Variants in NCKAP1 observed in about 807,000 individuals in gnomAD.
NCKAP1 encodes the protein nck-associated protein 1.
NCKAP1 carries 21 observed loss-of-function variants against 151.2 expected under a neutral mutation model. The ratio of observed to expected loss-of-function variants is 0.14; its 90% CI spans 0.10 to 0.20. NCKAP1 has a LOEUF of 0.20. Ranked by LOEUF, NCKAP1 falls within the 10% of genes least tolerant of loss-of-function variation. The pLI is 1.00. For synonymous variants in NCKAP1, 484 were observed against 451.8 expected, an observed-to-expected ratio of 1.07 and a Z score of -0.90; for missense variants, 933 against 1,352.1, an observed-to-expected ratio of 0.69 and a Z score of 4.86.
At chr2:182,977,063 A>C in intron 14 of NCKAP1, 112 bp from the exon 15 acceptor site, 1 of 598,510 alleles carries the variant, frequency 1.7e-6, no homozygotes, top group Non-Finnish European at 2.7e-6. Context: ...AGTATACCTA[A>C]AACAATTAAA....
At chr2:182,980,776 T>TTAA (rs1559091787) in intron 13 of NCKAP1, among the ~76,000 whole-genome samples, 8 of 152,298 alleles carry the variant, frequency 5.3e-5, no homozygotes, top group Middle Eastern at 3.4e-3. Context: ...CTATCATCTC[T>TTAA]TCTGAATCTC....
rs1027485233 is a variant in NCKAP1, at chr2:182,924,496, T to C, written c.*1206A>G. 3 of 152,124 alleles carry C rather than the reference T, an allele frequency of 2.0e-5. No individual in the cohort carries two copies. Among genetic ancestry groups the C allele is most frequent in the South Asian group, 2.1e-4 (1 of 4,822 alleles). 9.4% of individuals were successfully genotyped at this position (152,124 alleles called of 1,614,324 possible). A position where few individuals can be genotyped will look rare whatever the true frequency, so the allele number is the denominator to read the frequency against. On this transcript the variant is annotated 3_prime_UTR_variant, in exon 31 of 31. Transcript: ENST00000361354. ...GCCCTCCATGCCAACTATTAAGCAATAGGCCCTTTTATGTCTTTCCCATTC... is the reference window on the plus strand; with the variant it reads ...GCCCTCCATGCCAACTATTAAGCAACAGGCCCTTTTATGTCTTTCCCATTC...
At chr2:182,974,592 T>C (rs964790988) in intron 15 of NCKAP1, among the ~76,000 whole-genome samples, 2 of 152,030 alleles carry the variant, frequency 1.3e-5, no homozygotes, top group African/African-American at 4.8e-5. Context: ...GTAATGCAAC[T>C]ACAAGCAAGG....
intron 1 of NCKAP1, among the ~76,000 whole-genome samples, chr2:183,029,608 G>C (rs972885572): frequency 3.3e-5 from 5 of 151,906 alleles, no homozygotes; most frequent in Admixed American, 1.3e-4. Flanking sequence ...AATTGCTGGA[G>C]CCCACAAGTT....
rs867990950 is a variant in NCKAP1, at chr2:182,972,241, A to C, written c.1482+4652T>G. Among the ~76,000 whole-genome samples, 480 of 151,252 alleles carry C rather than the reference A, an allele frequency of 3.2e-3. 2 individuals carry two copies. The highest frequency in any genetic ancestry group is 0.011 in the African/African-American group (435 of 41,372). On this transcript the variant is annotated intron_variant, in intron 15 of 30. Coordinates refer to ENST00000361354, the MANE Select transcript of NCKAP1 (RefSeq NM_013436.5). ...CTTAATAGCAAAAAAAAAAAAAAAA[A>C]AAAACAAAACTGATTTTAAAAATGG...
intron 14 of NCKAP1, among the ~76,000 whole-genome samples, chr2:182,977,902 G>A (rs560867023): frequency 1.1e-4 from 16 of 152,300 alleles, no homozygotes; most frequent in African/African-American, 3.8e-4. Context: ...AAATTAAAGA[G>A]TGAAGACAGT....
Position 182,943,751 on chromosome 2 carries a change from AG to A in NCKAP1, c.2602-1589del, listed in dbSNP as rs376234166. On this transcript the variant is annotated intron_variant, in intron 23 of 30. Transcript: ENST00000361354. ...TAACCATTTGTTAAGCTCTTATACAAGGTAACTTATAATCATATTTACTATA... is the reference window on the plus strand; with the variant it reads ...TAACCATTTGTTAAGCTCTTATACAAGTAACTTATAATCATATTTACTATA... Among the ~76,000 whole-genome samples, 33 of 152,346 alleles carry A rather than the reference AG, an allele frequency of 2.2e-4. No individual in the cohort carries two copies. In the East Asian group the frequency reaches 5.8e-3, roughly 27 times the overall value.
intron 10 of NCKAP1, among the ~76,000 whole-genome samples, chr2:182,984,871 A>G (rs150261337): frequency 1.2e-3 from 177 of 152,318 alleles, no homozygotes; most frequent in African/African-American, 4.1e-3. Context: ...AGAAGTTACC[A>G]CTGCTTACTA....
At chr2:183,000,108 A>G (rs1698349194) in intron 6 of NCKAP1, among the ~76,000 whole-genome samples, 1 of 152,204 alleles carries the variant, frequency 6.6e-6, no homozygotes, top group Non-Finnish European at 1.5e-5. Context: ...CAATATACTC[A>G]TTTAACAAAC....
At chr2:182,969,675 A>G (rs773881626) in intron 15 of NCKAP1, among the ~76,000 whole-genome samples, 28 of 152,158 alleles carry the variant, frequency 1.8e-4, no homozygotes, top group Non-Finnish European at 2.1e-4. Flanking sequence ...TTATAGCAAT[A>G]AACACCTATA....
chr2:182,925,613 T>C lies in NCKAP1; in HGVS notation c.*89A>G, dbSNP rs1339810692. 3 of 621,728 alleles carry C rather than the reference T, an allele frequency of 4.8e-6. No homozygotes were observed. The allele number at this position is 621,728 out of a possible 1,614,324, so 38.5% of individuals were successfully genotyped here. A position where few individuals can be genotyped will look rare whatever the true frequency, so the allele number is the denominator to read the frequency against. On this transcript the variant is annotated 3_prime_UTR_variant, in exon 31 of 31. Coordinates refer to ENST00000361354, the MANE Select transcript of NCKAP1 (RefSeq NM_013436.5). Reference sequence around the variant, plus strand: ...AAGAAATTTATAATCCACAAAACTTTTTCAGGTCTTAAGGTAAAATAGTTC... The same window carrying C: ...AAGAAATTTATAATCCACAAAACTTCTTCAGGTCTTAAGGTAAAATAGTTC...
chr2:182,967,554 GA>G (rs2105839233), intron 15 of NCKAP1, among the ~76,000 whole-genome samples, 193 bp from the exon 16 acceptor site: 1 of 152,204 alleles, frequency 6.6e-6, no homozygotes, highest in African/African-American at 2.4e-5. Context: ...TTAGTAAACT[GA>G]AATACTAATG....
intron 18 of NCKAP1, 60 bp from the exon 19 acceptor site, chr2:182,957,656 T>C (rs1697353228): frequency 7.8e-6 from 12 of 1,531,796 alleles, no homozygotes; most frequent in South Asian, 7.3e-5. Flanking sequence ...GCATACTAAC[T>C]ATTCAAGCAA....
In NCKAP1 at chr2:182,913,230, T is replaced by C. The variant is rs1379625967; in HGVS notation, c.*12472A>G. 6.6e-6 allele frequency: 1 copy of C among 152,250 alleles called. No homozygotes were observed. The highest frequency in any genetic ancestry group is 2.4e-5 in the African/African-American group (1 of 41,468). The allele number at this position is 152,250 out of a possible 1,614,324, so 9.4% of individuals were successfully genotyped here. On this transcript the variant is annotated 3_prime_UTR_variant, in exon 31 of 31. Coordinates refer to ENST00000361354, the MANE Select transcript of NCKAP1 (RefSeq NM_013436.5). ...AGGACACTATGTCCTGTGTATTTAT[T>C]GATTCAACAAATATTTATTGAGGAC... is the stretch of plus-strand genomic sequence containing the variant.
intron 21 of NCKAP1, 46 bp from the exon 22 acceptor site, chr2:182,952,969 A>T (rs1317519818): frequency 6.4e-7 from 1 of 1,570,384 alleles, no homozygotes; most frequent in Non-Finnish European, 8.6e-7. Flanking sequence ...TGCTTAATTC[A>T]GAATGTATCA....
chr2:182,988,935 A>C, intron 9 of NCKAP1, 95 bp downstream of exon 9: 1 of 1,090,842 alleles, frequency 9.2e-7, no homozygotes. Flanking sequence ...ATCTTCCTGC[A>C]CAGTGTGACT....
intron 14 of NCKAP1, among the ~76,000 whole-genome samples, chr2:182,978,457 T>C (rs1452750869): frequency 2.0e-5 from 3 of 152,118 alleles, no homozygotes; most frequent in African/African-American, 4.8e-5. Context: ...ATAACAGTGT[T>C]GAAAAAAGAA....
intron 1 of NCKAP1, among the ~76,000 whole-genome samples, chr2:183,024,191 GA>G (rs1254735659): frequency 6.6e-6 from 1 of 151,602 alleles, no homozygotes; most frequent in East Asian, 1.9e-4. Context: ...AAAAGAAAAA[GA>G]AAAAAAATTC....
intron 15 of NCKAP1, among the ~76,000 whole-genome samples, chr2:182,973,186 T>A (rs1697734533): frequency 1.3e-5 from 2 of 151,968 alleles, no homozygotes; most frequent in African/African-American, 4.8e-5. Flanking sequence ...TCATAAAAAT[T>A]TAAAATTAAA....
Sources: gnomAD v4.1 joint callset for allele counts (sites outside exome capture counted in the v4.1 genomes callset) on GRCh38, gnomAD v4.1.1 for gene constraint, MANE v1.5 for transcripts, NCBI Gene and HGNC (gene_info 2026-07-23, HGNC 2026-07-21) for gene names.